Variants in BTN2A1 observed in about 807,000 individuals in gnomAD.
BTN2A1 encodes butyrophilin, subfamily 2, member A1.
In BTN2A1, 41 loss-of-function variants were observed where a neutral mutation model predicts 34.5. The observed-to-expected ratio is 1.19, with a 90% confidence interval of 0.93 to 1.54. BTN2A1 has a LOEUF of 1.54. Ranked by LOEUF, BTN2A1 falls within the 40% of genes most tolerant of loss-of-function variation. The probability of loss-of-function intolerance (pLI) is 0.00; values close to 1 mark genes in which losing one functional copy is unlikely to be tolerated. For missense variants in BTN2A1, 642 were observed against 662.0 expected, an observed-to-expected ratio of 0.97 and a Z score of 0.33; for synonymous variants, 267 against 258.6, an observed-to-expected ratio of 1.03 and a Z score of -0.31.
chr6:26,459,871 C>T, intron 3 of BTN2A1, 43 bp downstream of exon 3: 1 of 1,559,264 alleles, frequency 6.4e-7, no homozygotes, highest in South Asian at 1.2e-5. Flanking sequence ...CACAGTGTGA[C>T]TTTGGGGAAA....
Position 26,465,247 on chromosome 6 carries a change from A to G in BTN2A1, c.775A>G (p.Met259Val). Residue 259 changes from methionine to valine, a missense_variant, in exon 5 of 8, where the codon ATG becomes GTG. Met to Val is a conservative substitution (Grantham distance 21). Coordinates refer to ENST00000312541, the MANE Select transcript of BTN2A1 (RefSeq NM_007049.5). Reference protein sequence around the residue: ...VALPIIVVILMIPIAVCIYWI... With the variant: ...VALPIIVVILVIPIAVCIYWI... ...CCTGCCTATCATTGTGGTTATTCTG[A>G]TGATACCCATTGCCGTATGCATCTA... The G allele has an allele frequency of 6.2e-7, 1 of 1,614,182 alleles. No homozygotes were observed. Among genetic ancestry groups the G allele is most frequent in the Non-Finnish European group, 8.5e-7 (1 of 1,180,002 alleles).
intron 7 of BTN2A1, among the ~76,000 whole-genome samples, chr6:26,475,213 G>A (rs1763518083): frequency 6.6e-6 from 1 of 152,144 alleles, no homozygotes; most frequent in African/African-American, 2.4e-5. Context: ...CCCCACAACA[G>A]CCCGTCAACA....
chr6:26,465,173 C>T lies in BTN2A1; in HGVS notation c.713-12C>T. 1 of 1,610,162 alleles carries T rather than the reference C, an allele frequency of 6.2e-7. No individual in the cohort carries two copies. The highest frequency in any genetic ancestry group is 2.2e-5 in the East Asian group (1 of 44,856). ...TTTCAAACTAAGTGGATATTTCTGG[C>T]TGCCTTTTCAGAATCCTTTATGCCC... On this transcript the variant is annotated splice_polypyrimidine_tract_variant and intron_variant, in intron 4 of 7. Coordinates refer to ENST00000312541, the MANE Select transcript of BTN2A1 (RefSeq NM_007049.5).
In BTN2A1 at chr6:26,468,520, C is replaced by A; in HGVS notation, c.1555C>A (p.His519Asn). The part of the protein sequence containing the change: ...VTVPEEGLTL[H>N]RVGTHQSL ...GGTGCCTGAAGAGGGCCTGACACTT[C>A]ACAGAGTGGGGACCCACCAGAGCCT... Residue 519 changes from histidine (H) to asparagine (N), a missense_variant, in exon 8 of 8, where the codon CAC (histidine) becomes AAC (asparagine). Coordinates refer to ENST00000312541, the MANE Select transcript of BTN2A1 (RefSeq NM_007049.5). The A allele has an allele frequency of 6.2e-7, 1 of 1,614,176 alleles. No homozygotes were observed. The highest frequency in any genetic ancestry group is 1.1e-5 in the South Asian group (1 of 91,086).
At chr6:26,462,692 A>T in intron 3 of BTN2A1, 5 of 675,540 alleles carry the variant, frequency 7.4e-6, no homozygotes, top group Non-Finnish European at 1.1e-5. Flanking sequence ...AGCGGTGGTT[A>T]TGTGAAGTTC....
At chr6:26,473,009 G>A (rs1028170786), downstream of BTN2A1, among the ~76,000 whole-genome samples, 1 of 152,170 alleles carries the variant, frequency 6.6e-6, no homozygotes, top group Non-Finnish European at 1.5e-5. Context: ...GGAAAGTGTG[G>A]GTATATGGAA....
intron 3 of BTN2A1, 142 bp from the exon 4 acceptor site, chr6:26,463,102 C>G: frequency 1.8e-6 from 2 of 1,100,450 alleles, no homozygotes; most frequent in Non-Finnish European, 2.5e-6. Flanking sequence ...TACCCTCATC[C>G]TTTTTTTCTT....
At chr6:26,473,285 A>T (rs1763481674), downstream of BTN2A1, among the ~76,000 whole-genome samples, 1 of 152,222 alleles carries the variant, frequency 6.6e-6, no homozygotes, top group Admixed American at 6.5e-5. Flanking sequence ...CCCAAAGGTT[A>T]ACCTTAGAAC....
At chr6:26,473,172 A>G (rs1409509955), downstream of BTN2A1, among the ~76,000 whole-genome samples, 1 of 151,834 alleles carries the variant, frequency 6.6e-6, no homozygotes, top group Non-Finnish European at 1.5e-5. Context: ...ATCACTGGGG[A>G]CCCATTGCTA....
chr6:26,459,942 C>CAACAGGGAGATTCCACAGGGA, intron 3 of BTN2A1, 114 bp downstream of exon 3: 1 of 961,422 alleles, frequency 1.0e-6, no homozygotes, highest in Non-Finnish European at 1.5e-6. Context: ...ACTCCCTTTT[C>CAACAGGGAGATTCCACAGGGA]CACTCTCCCT....
chr6:26,470,232 A>G (rs1763424540), downstream of BTN2A1, among the ~76,000 whole-genome samples: 1 of 152,152 alleles, frequency 6.6e-6, no homozygotes, highest in African/African-American at 2.4e-5. Flanking sequence ...CTATAATCCC[A>G]GCTACTCAGG....
intron 3 of BTN2A1, 140 bp downstream of exon 3, chr6:26,459,968 C>T: frequency 1.2e-6 from 1 of 848,818 alleles, no homozygotes; most frequent in African/African-American, 1.7e-5. Flanking sequence ...AACGGAATTC[C>T]AGGGAAAAAT....
downstream of BTN2A1, among the ~76,000 whole-genome samples, chr6:26,471,776 G>T (rs1035662189): frequency 6.6e-6 from 1 of 152,176 alleles, no homozygotes. Flanking sequence ...AGAACCAAAG[G>T]TTCAGTTGTG....
At chr6:26,476,156 C>G (rs1285977004) in exon 8 of BTN2A1, 2 of 1,536,462 alleles carry the variant, frequency 1.3e-6, no homozygotes, top group South Asian at 2.4e-5. Flanking sequence ...ATTTACCAAA[C>G]TTAGGGTGGT....
rs1450449019 is a variant in BTN2A1, at chr6:26,459,495, G to T, written c.97G>T (p.Val33Leu). The T allele has an allele frequency of 8.1e-6, 13 of 1,613,746 alleles. No homozygotes were observed. The highest frequency in any genetic ancestry group is 1.1e-5 in the Non-Finnish European group (13 of 1,179,788). Residue 33 changes from valine to leucine, a missense_variant, in exon 3 of 8, where the codon GTG (valine) becomes TTG (leucine). Val to Leu is a conservative substitution (Grantham distance 32). Coordinates refer to ENST00000312541, the MANE Select transcript of BTN2A1 (RefSeq NM_007049.5). ...TTGTTGAACAGCCCAGTTTATTGTCGTGGGGCCCACTGATCCCATCTTGGC... is the reference window on the plus strand; with the variant it reads ...TTGTTGAACAGCCCAGTTTATTGTCTTGGGGCCCACTGATCCCATCTTGGC... ...CALVSAQFIV[V>L]GPTDPILATV...
Position 26,468,345 on chromosome 6 carries a change from T to C in BTN2A1, c.1380T>C (p.Asp460=), listed in dbSNP as rs771518216. The change falls in exon 8 of 8, where the codon GAT becomes GAC. Residue 460 remains aspartate (D), a synonymous_variant. Coordinates refer to ENST00000312541, the MANE Select transcript of BTN2A1 (RefSeq NM_007049.5). ...VGVFLDYEAG[D]VSFYNMRDRS... ...TCTTCCTGGACTATGAAGCTGGAGATGTCTCCTTCTACAACATGAGGGACA... is the reference window on the plus strand; with the variant it reads ...TCTTCCTGGACTATGAAGCTGGAGACGTCTCCTTCTACAACATGAGGGACA... 1.2e-6 allele frequency: 2 copies of C among 1,614,196 alleles called. No homozygotes were observed. The highest frequency in any genetic ancestry group is 2.2e-5 in the South Asian group (2 of 91,084).
rs1763414124 is a variant in BTN2A1, at chr6:26,469,582, G to A, written c.*1033G>A. On this transcript the variant is annotated 3_prime_UTR_variant, in exon 8 of 8. Coordinates refer to ENST00000312541, the MANE Select transcript of BTN2A1 (RefSeq NM_007049.5). Reference sequence around the variant, plus strand: ...AATTATAGGTTAATATAAGTAGAATGTTTGTGAAAAATAAGTATGGTATCC... The same window carrying A: ...AATTATAGGTTAATATAAGTAGAATATTTGTGAAAAATAAGTATGGTATCC... 6.4e-6 allele frequency: 1 copy of A among 157,440 alleles called. No homozygotes were observed. Among genetic ancestry groups the A allele is most frequent in the East Asian group, 1.9e-4 (1 of 5,210 alleles). The allele number at this position is 157,440 out of a possible 1,614,324, so 9.8% of individuals were successfully genotyped here. A position where few individuals can be genotyped will look rare whatever the true frequency, so the allele number is the denominator to read the frequency against.
chr6:26,461,366 T>C (rs1356344555), intron 3 of BTN2A1, among the ~76,000 whole-genome samples: 1 of 152,250 alleles, frequency 6.6e-6, no homozygotes, highest in African/African-American at 2.4e-5. Context: ...TTTGTCATGC[T>C]TGCCTGTATT....
chr6:26,468,220 A>G lies in BTN2A1; in HGVS notation c.1255A>G (p.Asn419Asp), dbSNP rs1326024443. 1 of 1,614,198 alleles carries G rather than the reference A, an allele frequency of 6.2e-7. No individual in the cohort carries two copies. The highest frequency in any genetic ancestry group is 1.3e-5 in the African/African-American group (1 of 75,054). The change falls in exon 8 of 8, where the codon AAT becomes GAT. Residue 419 changes from asparagine (N) to aspartate (D), a missense_variant. By Grantham distance (23) the Asn-to-Asp change is conservative. Transcript: ENST00000312541. ...RKGEVLLIPQNGFWTLEMHKG... is the reference protein window; with the variant it reads ...RKGEVLLIPQDGFWTLEMHKG... ...AGGGGAGGTCCTGCTGATTCCTCAG[A>G]ATGGCTTCTGGACCTTGGAGATGCA...
Sources: gnomAD v4.1 joint callset for allele counts (sites outside exome capture counted in the v4.1 genomes callset) on GRCh38, gnomAD v4.1.1 for gene constraint, MANE v1.5 for transcripts, NCBI Gene and HGNC (gene_info 2026-07-23, HGNC 2026-07-21) for gene names.